PRKN: variants seen among roughly 807,000 people sequenced by gnomAD.
PRKN encodes E3 ubiquitin-protein ligase parkin.
A neutral mutation model predicts 59.5 loss-of-function variants in PRKN; 56 were observed. The observed-to-expected ratio is 0.94, with a 90% CI of 0.76 to 1.18. The LOEUF (loss-of-function observed/expected upper bound fraction) is 1.18, where lower values mean the gene tolerates loss of function less well. Ranked by LOEUF, PRKN falls within the 50% of genes most tolerant of loss-of-function variation. The pLI, the probability that PRKN is intolerant of heterozygous loss-of-function variation, is 0.00. For synonymous variants in PRKN, 250 were observed against 222.1 expected, an observed-to-expected ratio of 1.13 and a Z score of -1.12; for missense variants, 657 against 596.4, an observed-to-expected ratio of 1.10 and a Z score of -1.06.
chr6:161,776,855 C>A (rs1043698061), intron 7 of PRKN, among the ~76,000 whole-genome samples: 2 of 152,152 alleles, frequency 1.3e-5, no homozygotes, highest in African/African-American at 4.8e-5. Context: ...TGATATCGAG[C>A]CTTTACTTCT....
At chr6:162,692,638 G>T (rs1777823430) in intron 1 of PRKN, among the ~76,000 whole-genome samples, 1 of 151,762 alleles carries the variant, frequency 6.6e-6, no homozygotes, top group South Asian at 2.1e-4. Context: ...CTCCATGTGT[G>T]CTATCACACA....
At chr6:162,488,677 T>C (rs1792666613) in intron 1 of PRKN, among the ~76,000 whole-genome samples, 1 of 152,076 alleles carries the variant, frequency 6.6e-6, no homozygotes, top group Non-Finnish European at 1.5e-5. Flanking sequence ...ACAATACTGC[T>C]CACTGCATAG....
chr6:162,503,575 A>G (rs1793472975), intron 1 of PRKN, among the ~76,000 whole-genome samples: 1 of 152,220 alleles, frequency 6.6e-6, no homozygotes, highest in South Asian at 2.1e-4. Context: ...ACATAATTTA[A>G]AACATAATCT....
At chr6:161,944,515 C>G (rs982751798) in intron 6 of PRKN, among the ~76,000 whole-genome samples, 3 of 152,108 alleles carry the variant, frequency 2.0e-5, no homozygotes, top group Non-Finnish European at 2.9e-5. Flanking sequence ...CTCCAAATCC[C>G]TTCTCTGTCC....
At chr6:162,351,150 C>T in intron 2 of PRKN, among the ~76,000 whole-genome samples, 1 of 152,044 alleles carries the variant, frequency 6.6e-6, no homozygotes. Flanking sequence ...ATGATCCTGC[C>T]ACTGTACTCC....
rs60414258 is a variant in PRKN at position 161,544,505 on chromosome 6, TATTCATTCATTCATTCATTC to T, written c.1083+4329_1083+4348del. On this transcript the variant is annotated intron_variant, in intron 9 of 11. Coordinates refer to ENST00000366898, the MANE Select transcript of PRKN (RefSeq NM_004562.3). This position sits in a 1 kb window ranked among gnomAD's most constrained non-coding sequence, Gnocchi z 5.5. ...TTAAGATTCACTCAACCATTTATTT[TATTCATTCATTCATTCATTC>T]ATTCATTCATTCATTCATACATTTG... 2.4e-5 allele frequency among the ~76,000 whole-genome samples: 3 copies of T among 122,724 alleles called. No individual in the cohort carries two copies. Among genetic ancestry groups the T allele is most frequent in the African/African-American group, 7.9e-5 (3 of 37,916 alleles). The allele number at this position is 122,724 out of a possible 152,430, so 80.5% of individuals were successfully genotyped here. A position where few individuals can be genotyped will look rare whatever the true frequency, so the allele number is the denominator to read the frequency against.
intron 1 of PRKN, among the ~76,000 whole-genome samples, chr6:162,606,323 G>A (rs1781911165): frequency 6.6e-6 from 1 of 152,128 alleles, no homozygotes; most frequent in Non-Finnish European, 1.5e-5. Flanking sequence ...CATGCTTAGA[G>A]CGCTTAGATT....
At chr6:162,661,777 G>A (rs1778891810) in intron 1 of PRKN, among the ~76,000 whole-genome samples, 1 of 152,184 alleles carries the variant, frequency 6.6e-6, no homozygotes, top group African/African-American at 2.4e-5. Context: ...AAAAGGCACA[G>A]AGAAACAGTT....
intron 1 of PRKN, among the ~76,000 whole-genome samples, chr6:162,503,975 GAGA>G (rs1287902499): frequency 1.3e-5 from 2 of 152,326 alleles, no homozygotes; most frequent in Middle Eastern, 3.4e-3. Context: ...TTAAGAAGCA[GAGA>G]AGGACTTCTT....
intron 7 of PRKN, among the ~76,000 whole-genome samples, chr6:161,649,151 GA>G (rs1488062679): frequency 1.3e-5 from 2 of 152,202 alleles, no homozygotes; most frequent in Admixed American, 1.3e-4. Context: ...AAGACAGTGA[GA>G]CAATTCTTCT....
At chr6:162,407,353 T>C (rs893254011) in intron 2 of PRKN, among the ~76,000 whole-genome samples, 2 of 152,208 alleles carry the variant, frequency 1.3e-5, no homozygotes, top group African/African-American at 2.4e-5. Context: ...TTCATAACGT[T>C]GTACAAAGAG....
At chr6:162,107,413 C>G (rs539938070) in intron 4 of PRKN, among the ~76,000 whole-genome samples, 1 of 152,146 alleles carries the variant, frequency 6.6e-6, no homozygotes. Context: ...TGCAGTGAGC[C>G]GAGATCGCAC....
intron 2 of PRKN, among the ~76,000 whole-genome samples, chr6:162,308,061 A>T (rs959022350): frequency 5.3e-5 from 8 of 152,160 alleles, no homozygotes; most frequent in Admixed American, 2.0e-4. Flanking sequence ...ATAAGAAAGG[A>T]TGCAAATGCA....
Position 161,360,009 on chromosome 6 carries a change from A to T in PRKN, c.1285+79T>A. On this transcript the variant is annotated intron_variant, in intron 11 of 11. Transcript: ENST00000366898. The surrounding 1 kb of genome is among the most constrained non-coding windows in gnomAD (Gnocchi z 5.1). ...GGCACCTTCAGACAGCATCTCCTTT[A>T]ATCCTGGAATCCCTGATGGGTATGA... The T allele has an allele frequency of 9.3e-7, 1 of 1,071,838 alleles. No homozygotes were observed. The highest frequency in any genetic ancestry group is 1.5e-6 in the Non-Finnish European group (1 of 685,750). 66.4% of individuals were successfully genotyped at this position (1,071,838 alleles called of 1,614,324 possible). A position where few individuals can be genotyped will look rare whatever the true frequency, so the allele number is the denominator to read the frequency against.
chr6:162,335,232 G>A (rs1783784827), intron 2 of PRKN, among the ~76,000 whole-genome samples: 1 of 151,792 alleles, frequency 6.6e-6, no homozygotes, highest in Admixed American at 6.6e-5. Context: ...AGTAGAGATG[G>A]GGTTTCGCTA....
rs926433641 is a variant in PRKN, at chr6:161,488,362, C to T, written c.1083+60492G>A. Among the ~76,000 whole-genome samples the T allele has an allele frequency of 6.6e-6, 1 of 152,182 alleles. No homozygotes were observed. The highest frequency in any genetic ancestry group is 1.5e-5 in the Non-Finnish European group (1 of 68,032). ...ATAGGTCTTTGTAGTGTGAGAAGAA[C>T]TCCAAATTTTATTCTCCGGAGTGGA... On this transcript the variant is annotated intron_variant, in intron 9 of 11. Coordinates refer to ENST00000366898, the MANE Select transcript of PRKN (RefSeq NM_004562.3). The surrounding 1 kb of genome is among the most constrained non-coding windows in gnomAD (Gnocchi z 4.5).
At chr6:162,079,312 C>G (rs1262961036) in intron 4 of PRKN, among the ~76,000 whole-genome samples, 10 of 152,154 alleles carry the variant, frequency 6.6e-5, no homozygotes, top group Non-Finnish European at 1.5e-5. Flanking sequence ...GGCAGATACT[C>G]CGTTGCCCAA....
chr6:161,737,773 G>A (rs975458611), intron 7 of PRKN, among the ~76,000 whole-genome samples: 2 of 152,156 alleles, frequency 1.3e-5, no homozygotes, highest in Non-Finnish European at 2.9e-5. Context: ...AGAAGCCAGG[G>A]CGAGATGGCA....
At chr6:162,368,172 G>A (rs1785553784) in intron 2 of PRKN, among the ~76,000 whole-genome samples, 1 of 152,160 alleles carries the variant, frequency 6.6e-6, no homozygotes, top group South Asian at 2.1e-4. Flanking sequence ...GGCGTGGCTG[G>A]GGAAGGGTTG....
Sources: gnomAD v4.1 joint callset for allele counts (sites outside exome capture counted in the v4.1 genomes callset) on GRCh38, gnomAD v4.1.1 for gene constraint, Gnocchi (gnomAD v3.1) non-coding constraint, MANE v1.5 for transcripts, NCBI Gene and HGNC (gene_info 2026-07-23, HGNC 2026-07-21) for gene names.